The following ARHGEF28 variants were observed in gnomAD, a reference collection of about 807,000 sequenced individuals.
ARHGEF28 encodes Rho guanine nucleotide exchange factor 28, also known as 190 kDa guanine nucleotide exchange factor.
ARHGEF28 carries 152 observed loss-of-function variants against 206.6 expected under a neutral mutation model. That is an observed-to-expected ratio of 0.74 (90% CI 0.64 to 0.84). The LOEUF (loss-of-function observed/expected upper bound fraction) is 0.84, where lower values mean the gene tolerates loss of function less well. Among genes scored for constraint, ARHGEF28 ranks in the 40% least tolerant of loss-of-function variants. The probability of loss-of-function intolerance (pLI) is 0.00; values close to 1 mark genes in which losing one functional copy is unlikely to be tolerated. For missense variants in ARHGEF28, 2,028 were observed against 2,073.2 expected, an observed-to-expected ratio of 0.98 and a Z score of 0.42; for synonymous variants, 763 against 776.4, an observed-to-expected ratio of 0.98 and a Z score of 0.29.
chr5:73,705,893 C>G (rs1425369353), intron 2 of ARHGEF28, among the ~76,000 whole-genome samples: 1 of 152,200 alleles, frequency 6.6e-6, no homozygotes, highest in African/African-American at 2.4e-5. Context: ...CAGGTGAGTG[C>G]AAACCAGTGA....
At chr5:73,780,803 A>T in intron 7 of ARHGEF28, 58 bp downstream of exon 7, 1 of 1,527,516 alleles carries the variant, frequency 6.5e-7, no homozygotes, top group Non-Finnish European at 8.9e-7. Flanking sequence ...CCAACAATCT[A>T]ACCAGTCCGT....
At chr5:73,829,047 C>G (rs1757123754) in intron 9 of ARHGEF28, among the ~76,000 whole-genome samples, 1 of 152,146 alleles carries the variant, frequency 6.6e-6, no homozygotes, top group African/African-American at 2.4e-5. Context: ...TCTTGAACTC[C>G]TGGGCTCAAG....
intron 1 of ARHGEF28, among the ~76,000 whole-genome samples, chr5:73,673,749 T>C (rs1746488474): frequency 6.6e-6 from 1 of 152,194 alleles, no homozygotes; most frequent in Admixed American, 6.5e-5. Flanking sequence ...CACTAAGTTT[T>C]TTCTCTTTTT....
intron 2 of ARHGEF28, among the ~76,000 whole-genome samples, chr5:73,739,200 A>C (rs1375249552): frequency 6.6e-6 from 1 of 152,202 alleles, no homozygotes; most frequent in Non-Finnish European, 1.5e-5. Flanking sequence ...ATTATTATAA[A>C]TGTGTTCTTT....
intron 6 of ARHGEF28, chr5:73,778,357 A>T (rs563907407): frequency 6.6e-6 from 1 of 152,326 alleles, no homozygotes; most frequent in East Asian, 1.9e-4. Context: ...TCTCATATAC[A>T]TTTGAGATAA....
chr5:73,719,414 A>G (rs1749788067), intron 2 of ARHGEF28, among the ~76,000 whole-genome samples: 1 of 67,206 alleles, frequency 1.5e-5, no homozygotes, highest in Non-Finnish European at 2.9e-5. Flanking sequence ...CCGTCTCAGA[A>G]AAAAAAAAAA....
chr5:73,791,237 C>T (rs947485276), intron 7 of ARHGEF28, among the ~76,000 whole-genome samples: 5 of 152,182 alleles, frequency 3.3e-5, no homozygotes, highest in African/African-American at 9.7e-5. Context: ...GATCTGGTCC[C>T]AGCTCTCCCA....
chr5:73,811,404 T>C (rs766214994), intron 9 of ARHGEF28, among the ~76,000 whole-genome samples: 6 of 152,218 alleles, frequency 3.9e-5, no homozygotes, highest in Non-Finnish European at 8.8e-5. Context: ...GTGTTTTTAA[T>C]CAGTTGTCAT....
rs1235143552 is a variant in ARHGEF28 at position 73,773,881 on chromosome 5, C to T, written c.502C>T (p.His168Tyr). The T allele has an allele frequency of 2.5e-6, 4 of 1,607,680 alleles. No individual in the cohort carries two copies. The highest frequency in any genetic ancestry group is 3.4e-6 in the Non-Finnish European group (4 of 1,176,860). Residue 168 changes from histidine (H) to tyrosine (Y), a missense_variant, in exon 5 of 36, where the codon CAC (histidine) becomes TAC (tyrosine). His to Tyr is a moderately conservative substitution (Grantham distance 83). Coordinates refer to ENST00000513042, the MANE Select transcript of ARHGEF28 (RefSeq NM_001177693.2). ...ATCTTCTCACAGAGAATCTCTTCTA[C>T]ACCTGGCTATGAGATGGGGCCTGGC... ...EVSSHRESLLHLAMRWGLAKL... is the reference protein window; with the variant it reads ...EVSSHRESLLYLAMRWGLAKL...
intron 2 of ARHGEF28, among the ~76,000 whole-genome samples, chr5:73,743,788 G>A (rs1002958421): frequency 2.6e-5 from 4 of 152,088 alleles, no homozygotes; most frequent in Non-Finnish European, 5.9e-5. Context: ...CGGAGGATTA[G>A]GGTACATTTC....
At chr5:73,741,506 G>A (rs894066845) in intron 2 of ARHGEF28, among the ~76,000 whole-genome samples, 14 of 147,312 alleles carry the variant, frequency 9.5e-5, no homozygotes, top group African/African-American at 3.3e-4. Flanking sequence ...TGCAACCTCT[G>A]CCTCCTGGAT....
chr5:73,735,160 C>T (rs76783438), intron 2 of ARHGEF28, among the ~76,000 whole-genome samples: 2 of 151,592 alleles, frequency 1.3e-5, no homozygotes, highest in Non-Finnish European at 2.9e-5. Context: ...TTTTAGTAAT[C>T]TCTGAGTAGC....
At position 73,864,831 on chromosome 5, in the gene ARHGEF28, G is replaced by A; in HGVS notation, c.2062G>A (p.Val688Met). 1 of 1,612,976 alleles carries A rather than the reference G, an allele frequency of 6.2e-7. No homozygotes were observed. The highest frequency in any genetic ancestry group is 1.3e-5 in the African/African-American group (1 of 75,036). The stretch of plus-strand genomic sequence containing the variant: ...CTTTATTTCAGACTGTAATGCAAAT[G>A]TGCACAAAGGTTGTAAAGATGCTGC... Reference protein sequence around the residue: ...SLQCSNCNANVHKGCKDAAPA... With the variant: ...SLQCSNCNANMHKGCKDAAPA... Residue 688 changes from valine (V) to methionine (M), a missense_variant, in exon 17 of 36, where the codon GTG becomes ATG. Val to Met is a conservative substitution (Grantham distance 21, BLOSUM62 1). Transcript: ENST00000513042.
At chr5:73,871,731 A>G (rs919479784) in intron 21 of ARHGEF28, among the ~76,000 whole-genome samples, 10 of 152,200 alleles carry the variant, frequency 6.6e-5, no homozygotes, top group African/African-American at 1.4e-4. Flanking sequence ...CATCACTTCA[A>G]AAATCCTGTA....
chr5:73,802,419 C>T (rs1478748190), intron 9 of ARHGEF28, among the ~76,000 whole-genome samples: 4 of 152,240 alleles, frequency 2.6e-5, no homozygotes, highest in Non-Finnish European at 5.9e-5. Flanking sequence ...TTCTAAATTA[C>T]CTTTTTCTTT....
In ARHGEF28 at chr5:73,941,893, G is replaced by A. The variant is rs987458354; in HGVS notation, c.*880G>A. On this transcript the variant is annotated 3_prime_UTR_variant, in exon 36 of 36. Coordinates refer to ENST00000513042, the MANE Select transcript of ARHGEF28 (RefSeq NM_001177693.2). The stretch of plus-strand genomic sequence containing the variant: ...GGAAAACTGGCATATCCTGCCTTCC[G>A]AGTAGTATGGGTCTCTGTGTGAGAA... 1.3e-5 allele frequency: 2 copies of A among 152,126 alleles called. No individual in the cohort carries two copies. Among genetic ancestry groups the A allele is most frequent in the African/African-American group, 4.8e-5 (2 of 41,420 alleles). The allele number at this position is 152,126 out of a possible 1,614,324, so 9.4% of individuals were successfully genotyped here.
intron 35 of ARHGEF28, among the ~76,000 whole-genome samples, chr5:73,940,397 C>G (rs1742528653): frequency 6.6e-6 from 1 of 152,146 alleles, no homozygotes; most frequent in Non-Finnish European, 1.5e-5. Context: ...TACCCCCACC[C>G]CTTGACCACA....
chr5:73,642,024 G>A (rs1166877552), intron 1 of ARHGEF28, among the ~76,000 whole-genome samples: 1 of 152,180 alleles, frequency 6.6e-6, no homozygotes, highest in Non-Finnish European at 1.5e-5. Flanking sequence ...CCTGTTTATT[G>A]ATCCCTAGTT....
intron 9 of ARHGEF28, among the ~76,000 whole-genome samples, chr5:73,797,726 A>G (rs548321922): frequency 6.6e-6 from 1 of 152,328 alleles, no homozygotes; most frequent in Non-Finnish European, 1.5e-5. Flanking sequence ...CCAGTCTCTG[A>G]GGAAATGCTG....
Sources: allele counts gnomAD v4.1 joint callset (sites outside exome capture counted in the v4.1 genomes callset), GRCh38; gene constraint gnomAD v4.1.1; transcripts MANE v1.5; gene names NCBI Gene and HGNC (gene_info 2026-07-23, HGNC 2026-07-21).